Variants in RORA observed in about 807,000 individuals in gnomAD.
The protein encoded by RORA is nuclear receptor ROR-alpha.
A neutral mutation model predicts 69.5 loss-of-function variants in RORA; 7 were observed. The observed-to-expected ratio is 0.10, with a 90% CI of 0.06 to 0.19. The LOEUF (loss-of-function observed/expected upper bound fraction) is 0.19. Among genes scored for constraint, RORA ranks in the 10% least tolerant of loss-of-function variants. The pLI is 1.00. For synonymous variants in RORA, 261 were observed against 240.8 expected, an observed-to-expected ratio of 1.08 and a Z score of -0.78; for missense variants, 457 against 663.0, an observed-to-expected ratio of 0.69 and a Z score of 3.41.
At position 60,827,397 on chromosome 15, in the gene RORA, A is replaced by G. The variant is rs1567205003; in HGVS notation, c.167-148711T>C. 3.3e-5 allele frequency among the ~76,000 whole-genome samples: 5 copies of G among 152,394 alleles called. No homozygotes were observed. In the South Asian group the frequency reaches 8.3e-4, roughly 25 times the overall value. ...AAGAAAATGTCTGGCACGTAAAAAAATCCAAAATGAACTCATTTGTTTATT... is the reference window on the plus strand; with the variant it reads ...AAGAAAATGTCTGGCACGTAAAAAAGTCCAAAATGAACTCATTTGTTTATT... On this transcript the variant is annotated intron_variant, in intron 1 of 10. Transcript: ENST00000335670.
At position 60,730,849 on chromosome 15, in the gene RORA, G is replaced by T. The variant is rs556465262; in HGVS notation, c.167-52163C>A. On this transcript the variant is annotated intron_variant, in intron 1 of 10. Coordinates refer to ENST00000335670, the MANE Select transcript of RORA (RefSeq NM_134261.3). ...AAATCTCAGTGAGCTATTCATATAG[G>T]AAAAGAATTTTTTTTTTTTTTGACA... 3.4e-5 allele frequency among the ~76,000 whole-genome samples: 5 copies of T among 148,136 alleles called. No homozygotes were observed. The East Asian group carries it at 7.9e-4, about 24-fold the overall frequency.
intron 1 of RORA, among the ~76,000 whole-genome samples, chr15:60,876,701 T>TG (rs1490116488): frequency 6.6e-6 from 1 of 152,202 alleles, no homozygotes; most frequent in African/African-American, 2.4e-5. Context: ...CTAGTGTTTA[T>TG]GCTTCAATCA....
intron 1 of RORA, among the ~76,000 whole-genome samples, chr15:61,025,355 CCTTCAAGGG>C (rs1422534116): frequency 1.3e-5 from 2 of 152,208 alleles, no homozygotes; most frequent in African/African-American, 4.8e-5. Context: ...CCGCTCATTC[CCTTCAAGGG>C]CTGTGGTCCC....
intron 1 of RORA, among the ~76,000 whole-genome samples, chr15:61,064,091 T>A (rs949966985): frequency 6.6e-6 from 1 of 152,138 alleles, no homozygotes; most frequent in African/African-American, 2.4e-5. Context: ...ATGGCAAAAG[T>A]CAACACAGTA....
intron 1 of RORA, among the ~76,000 whole-genome samples, chr15:60,803,978 TC>T (rs1185658568): frequency 6.6e-6 from 1 of 152,158 alleles, no homozygotes; most frequent in Admixed American, 6.5e-5. Flanking sequence ...CAAAGCACTT[TC>T]TAGCACCAGC....
chr15:61,127,277 A>T lies in RORA; in HGVS notation c.166+101776T>A, dbSNP rs551145728. Among the ~76,000 whole-genome samples, 24 of 152,296 alleles carry T rather than the reference A, an allele frequency of 1.6e-4. No individual in the cohort carries two copies. The South Asian group carries it at 4.8e-3, about 30-fold the overall frequency. On this transcript the variant is annotated intron_variant, in intron 1 of 10. Coordinates refer to ENST00000335670, the MANE Select transcript of RORA (RefSeq NM_134261.3). ...ATCATGGAGTAAGTTTAATAATACT[A>T]TTACCAATTTGCTTTGGAGAATGAC...
At chr15:60,773,351 A>C (rs903321231) in intron 1 of RORA, among the ~76,000 whole-genome samples, 2 of 152,102 alleles carry the variant, frequency 1.3e-5, no homozygotes, top group Non-Finnish European at 2.9e-5. Flanking sequence ...ATGGATGTAC[A>C]TATTTGTTTT....
At chr15:60,564,387 A>G (rs1595982939) in intron 2 of RORA, among the ~76,000 whole-genome samples, 3 of 152,324 alleles carry the variant, frequency 2.0e-5, no homozygotes, top group Admixed American at 2.0e-4. Flanking sequence ...TCTTAACATA[A>G]TGCTCTTTAC....
chr15:60,892,133 T>C (rs1024517935), intron 1 of RORA, among the ~76,000 whole-genome samples: 2 of 152,146 alleles, frequency 1.3e-5, no homozygotes, highest in African/African-American at 2.4e-5. Context: ...AGGGTGTGGG[T>C]TGAAGTTTAG....
intron 1 of RORA, among the ~76,000 whole-genome samples, chr15:60,810,133 G>T (rs2072720840): frequency 6.6e-6 from 1 of 152,118 alleles, no homozygotes; most frequent in South Asian, 2.1e-4. Context: ...GCATCTTTCA[G>T]TAGTCTCCTG....
At chr15:60,595,501 C>G (rs746024821) in intron 2 of RORA, among the ~76,000 whole-genome samples, 6 of 148,308 alleles carry the variant, frequency 4.0e-5, no homozygotes, top group Non-Finnish European at 7.4e-5. Flanking sequence ...GGCGACAGAG[C>G]AATAATCTGT....
intron 1 of RORA, among the ~76,000 whole-genome samples, chr15:60,701,924 A>G (rs1367809803): frequency 6.6e-6 from 1 of 152,204 alleles, no homozygotes; most frequent in Non-Finnish European, 1.5e-5. Context: ...TAAAGGTCAC[A>G]TTTCTGTAAT....
intron 1 of RORA, among the ~76,000 whole-genome samples, chr15:60,948,866 G>A (rs1386609770): frequency 2.0e-5 from 3 of 152,204 alleles, no homozygotes; most frequent in Non-Finnish European, 2.9e-5. Flanking sequence ...CTAAAGGATG[G>A]ATGCAGAAGA....
chr15:60,839,568 C>A (rs1392474243), intron 1 of RORA, among the ~76,000 whole-genome samples: 1 of 152,198 alleles, frequency 6.6e-6, no homozygotes, highest in Non-Finnish European at 1.5e-5. Flanking sequence ...GTTCAGCAAT[C>A]ACACCCTTAC....
chr15:60,609,698 C>T (rs937948799), intron 2 of RORA, among the ~76,000 whole-genome samples: 3 of 152,142 alleles, frequency 2.0e-5, no homozygotes, highest in East Asian at 1.9e-4. Context: ...TCATGATACA[C>T]GAATCCTCAT....
chr15:61,086,111 G>GAT (rs1260121065), intron 1 of RORA, among the ~76,000 whole-genome samples: 3 of 152,218 alleles, frequency 2.0e-5, no homozygotes, highest in African/African-American at 4.8e-5. Flanking sequence ...CAGACCTTCA[G>GAT]ATATTTACCT....
In RORA at chr15:60,572,942, A is replaced by C. The variant is rs1192464928; in HGVS notation, c.197-41091T>G. On this transcript the variant is annotated intron_variant, in intron 2 of 10. Coordinates refer to ENST00000335670, the MANE Select transcript of RORA (RefSeq NM_134261.3). The stretch of plus-strand genomic sequence containing the variant: ...ACTCTAATTCAAACAACAATCTTTA[A>C]TGTAATAATTACACTGGCTGTGACA... Among the ~76,000 whole-genome samples, 3 of 152,214 alleles carry C rather than the reference A, an allele frequency of 2.0e-5. No homozygotes were observed. The East Asian group carries it at 5.8e-4, about 29-fold the overall frequency.
chr15:61,189,034 T>C (rs1452166119), intron 1 of RORA, among the ~76,000 whole-genome samples: 1 of 151,894 alleles, frequency 6.6e-6, no homozygotes, highest in Non-Finnish European at 1.5e-5. Flanking sequence ...TATGAAAAAA[T>C]ACACAGCACT....
At chr15:60,728,842 G>C (rs569490056) in intron 1 of RORA, among the ~76,000 whole-genome samples, 1 of 152,294 alleles carries the variant, frequency 6.6e-6, no homozygotes, top group East Asian at 1.9e-4. Context: ...CTGTAAGTCA[G>C]AGTGCGAAAA....
Sources: allele counts gnomAD v4.1 joint callset (sites outside exome capture counted in the v4.1 genomes callset), GRCh38; gene constraint gnomAD v4.1.1; transcripts MANE v1.5; gene names NCBI Gene and HGNC (gene_info 2026-07-23, HGNC 2026-07-21).